The following FAAH2 variants were observed in gnomAD, a reference collection of about 807,000 sequenced individuals.
The protein encoded by FAAH2 is fatty acid amide hydrolase 2, also known as fatty-acid amide hydrolase 2.
Under a neutral mutation model 36.9 loss-of-function variants are expected in FAAH2, and 60 were observed. The ratio of observed to expected loss-of-function variants is 1.63; its 90% CI spans 1.32 to 2.02. The LOEUF (loss-of-function observed/expected upper bound fraction) is 2.02, where lower values mean the gene tolerates loss of function less well. Ranked by LOEUF, FAAH2 falls within the 30% of genes most tolerant of loss-of-function variation. FAAH2 has a pLI of 0.00. For synonymous variants in FAAH2, 214 were observed against 143.8 expected (o/e 1.49, Z -3.49); for missense variants, 689 against 397.5 (o/e 1.73, Z -6.23).
chrX:57,423,183 A>C (rs1232132040), intron 7 of FAAH2, among the ~76,000 whole-genome samples: 2 of 112,101 alleles, frequency 1.8e-5, no homozygotes, highest in Non-Finnish European at 3.8e-5. Flanking sequence ...GGACATTTCT[A>C]ATCCTAACTC....
the FAAH2 span, among the ~76,000 whole-genome samples, chrX:57,257,589 T>C: frequency 9.0e-6 from 1 of 110,650 alleles, no homozygotes; most frequent in East Asian, 2.8e-4. Flanking sequence ...AAATACCTAA[T>C]GTAGTGACGG....
the FAAH2 span, among the ~76,000 whole-genome samples, chrX:57,268,736 T>C: frequency 1.8e-5 from 2 of 111,498 alleles, no homozygotes; most frequent in African/African-American, 6.5e-5. Flanking sequence ...CAGAATTTCT[T>C]TTCTCACTAA....
At chrX:57,123,719 A>C in the FAAH2 span, among the ~76,000 whole-genome samples, 3 of 112,066 alleles carry the variant, frequency 2.7e-5, no homozygotes, top group Middle Eastern at 9.2e-3. Context: ...ATGGTATCTC[A>C]TTGTGGTTTT....
chrX:57,282,067 T>C (rs2051760183), upstream of FAAH2, among the ~76,000 whole-genome samples: 1 of 112,309 alleles, frequency 8.9e-6, no homozygotes, highest in South Asian at 3.7e-4. Flanking sequence ...CAATTTATAT[T>C]CCTTTGTGTG....
chrX:57,396,085 C>T (rs1303397446), intron 7 of FAAH2, among the ~76,000 whole-genome samples: 2 of 111,268 alleles, frequency 1.8e-5, no homozygotes, highest in African/African-American at 6.5e-5. Context: ...TGTATGTGTC[C>T]AGGAAGTATC....
At chrX:57,304,015 TG>T (rs748138025) in intron 2 of FAAH2, among the ~76,000 whole-genome samples, 52 of 110,888 alleles carry the variant, frequency 4.7e-4, no homozygotes, top group Non-Finnish European at 8.9e-4. Context: ...GAGACCAGCC[TG>T]GCCAAAATGG....
intron 7 of FAAH2, among the ~76,000 whole-genome samples, chrX:57,390,672 C>G (rs1397402401): frequency 9.0e-6 from 1 of 111,444 alleles, no homozygotes; most frequent in Admixed American, 9.6e-5. Context: ...TTTTTTATGG[C>G]CGTATAGTAT....
intron 7 of FAAH2, among the ~76,000 whole-genome samples, chrX:57,431,267 G>A (rs375433764): frequency 9.0e-6 from 1 of 111,677 alleles, no homozygotes; most frequent in South Asian, 3.8e-4. Context: ...AAGAAGGGTG[G>A]TATGGTGGGT....
intron 7 of FAAH2, among the ~76,000 whole-genome samples, chrX:57,389,178 T>C (rs564972536): frequency 9.7e-6 from 1 of 103,488 alleles, no homozygotes; most frequent in South Asian, 4.6e-4. Context: ...GGGTTTGTTA[T>C]GGTACTCCAG....
intron 10 of FAAH2, among the ~76,000 whole-genome samples, chrX:57,480,120 A>G (rs2057352812): frequency 9.0e-6 from 1 of 111,503 alleles, no homozygotes; most frequent in Admixed American, 9.6e-5. Context: ...GCAATAATCA[A>G]TAGCTTACCA....
the FAAH2 span, among the ~76,000 whole-genome samples, chrX:57,203,762 T>A: frequency 8.9e-6 from 1 of 112,317 alleles, no homozygotes; most frequent in Non-Finnish European, 1.9e-5. Context: ...GGCATTAAGG[T>A]CAGCTGTGCC....
intron 10 of FAAH2, among the ~76,000 whole-genome samples, chrX:57,456,440 A>G (rs2056866658): frequency 8.9e-6 from 1 of 111,824 alleles, no homozygotes; most frequent in Admixed American, 9.5e-5. Context: ...AAACAACTAA[A>G]TCAGAGAACT....
the FAAH2 span, among the ~76,000 whole-genome samples, chrX:57,248,149 G>A: frequency 8.9e-6 from 1 of 112,228 alleles, no homozygotes; most frequent in Admixed American, 9.4e-5. Context: ...TAATAAAAAT[G>A]TTAAGAACAA....
chrX:57,460,877 A>T (rs1479912610), intron 10 of FAAH2, among the ~76,000 whole-genome samples: 1 of 111,608 alleles, frequency 9.0e-6, no homozygotes, highest in East Asian at 2.8e-4. Flanking sequence ...AAGAGTCGAG[A>T]CCCATCATTG....
At chrX:57,434,306 A>G (rs2056365873) in intron 8 of FAAH2, among the ~76,000 whole-genome samples, 1 of 109,038 alleles carries the variant, frequency 9.2e-6, no homozygotes, top group South Asian at 4.0e-4. Flanking sequence ...CAAACTCCTG[A>G]CCTCAGGTGA....
At chrX:57,258,300 A>T in the FAAH2 span, among the ~76,000 whole-genome samples, 6 of 111,812 alleles carry the variant, frequency 5.4e-5, no homozygotes, top group Non-Finnish European at 7.5e-5. Flanking sequence ...ACTCAATATG[A>T]ATTAAATATT....
At chrX:57,376,917 C>G (rs775880593) in intron 5 of FAAH2, among the ~76,000 whole-genome samples, 5 of 111,733 alleles carry the variant, frequency 4.5e-5, no homozygotes, top group African/African-American at 6.5e-5. Flanking sequence ...TGATGATGAG[C>G]TTTTTTTTGC....
intron 10 of FAAH2, among the ~76,000 whole-genome samples, chrX:57,459,804 T>C (rs772765131): frequency 9.0e-6 from 1 of 111,353 alleles, no homozygotes; most frequent in African/African-American, 3.3e-5. Context: ...AACATCAACA[T>C]CAGCATAAAG....
At chrX:57,400,271 T>G (rs1000746902) in intron 7 of FAAH2, among the ~76,000 whole-genome samples, 4 of 112,141 alleles carry the variant, frequency 3.6e-5, no homozygotes, top group African/African-American at 1.3e-4. Context: ...TGTGTCATTT[T>G]AACTGCTTCA....
Sources: gnomAD v4.1 joint callset for allele counts (sites outside exome capture counted in the v4.1 genomes callset) on GRCh38, gnomAD v4.1.1 for gene constraint, MANE v1.5 for transcripts, NCBI Gene and HGNC (gene_info 2026-07-23, HGNC 2026-07-21) for gene names.